Variants in TPCN1 observed in about 807,000 individuals in gnomAD.
TPCN1 encodes the protein two pore channel protein 1.
Under a neutral mutation model 108.8 loss-of-function variants are expected in TPCN1, and 52 were observed. The ratio of observed to expected loss-of-function variants is 0.48; its 90% CI spans 0.38 to 0.60. The LOEUF (loss-of-function observed/expected upper bound fraction) is 0.60, where lower values mean the gene tolerates loss of function less well. Ranked by LOEUF, TPCN1 falls within the 20% of genes least tolerant of loss-of-function variation. The pLI is 0.00. For missense variants in TPCN1, 806 were observed against 1,072.8 expected (o/e 0.75, Z 3.47); for synonymous variants, 446 against 433.7 (o/e 1.03, Z -0.35).
chr12:113,293,445 G>A lies in TPCN1; in HGVS notation c.2334+96G>A, dbSNP rs903380084. The A allele has an allele frequency of 8.0e-5, 94 of 1,178,818 alleles. No individual in the cohort carries two copies. In the Admixed American group the frequency reaches 9.6e-4, roughly 12 times the overall value. The allele number at this position is 1,178,818 out of a possible 1,614,324, so 73.0% of individuals were successfully genotyped here. A position where few individuals can be genotyped will look rare whatever the true frequency, so the allele number is the denominator to read the frequency against. On this transcript the variant is annotated intron_variant, in intron 27 of 27. Transcript: ENST00000335509. ...TCTGGCCCTCTGAGTAGAGGGAGAA[G>A]GCTGGTAGAGAGATGCAGACCGTCC...
intron 2 of TPCN1, among the ~76,000 whole-genome samples, chr12:113,238,264 G>A (rs1953970851): frequency 6.6e-6 from 1 of 152,152 alleles, no homozygotes; most frequent in South Asian, 2.1e-4. Context: ...ACATATTTTA[G>A]CTGTAGAAGC....
At chr12:113,228,802 G>A (rs193220512) in intron 2 of TPCN1, among the ~76,000 whole-genome samples, 77 of 152,310 alleles carry the variant, frequency 5.1e-4, no homozygotes, top group Non-Finnish European at 8.1e-4. Context: ...AGTGGAAGGC[G>A]CTTTGGGGAA....
Position 113,298,249 on chromosome 12 carries a change from T to C in TPCN1, c.*2173T>C, listed in dbSNP as rs1956490170. The C allele has an allele frequency of 6.6e-6, 1 of 152,194 alleles. No homozygotes were observed. The highest frequency in any genetic ancestry group is 2.4e-5 in the African/African-American group (1 of 41,402). 9.4% of individuals were successfully genotyped at this position (152,194 alleles called of 1,614,324 possible). A position where few individuals can be genotyped will look rare whatever the true frequency, so the allele number is the denominator to read the frequency against. ...ATGCCTGGCCCCACCCAGCAGGGAG[T>C]TGGGGTCCCCCCACAGGCTGTGAGC... is the stretch of plus-strand genomic sequence containing the variant. On this transcript the variant is annotated 3_prime_UTR_variant, in exon 28 of 28. Coordinates refer to ENST00000335509, the MANE Select transcript of TPCN1 (RefSeq NM_017901.6).
intron 15 of TPCN1, among the ~76,000 whole-genome samples, chr12:113,280,778 C>T (rs61943636): frequency 0.059 from 8,991 of 152,220 alleles, 360 homozygotes; most frequent in Middle Eastern, 0.071. Context: ...CAGTACTAAC[C>T]TAGAGGCTTG....
rs1955513586 is a variant in TPCN1 at position 113,271,870 on chromosome 12, AC to A, written c.749-787del. 5.9e-5 allele frequency among the ~76,000 whole-genome samples: 9 copies of A among 152,284 alleles called. No individual in the cohort carries two copies. In the South Asian group the frequency reaches 1.9e-3, roughly 32 times the overall value. ...AGTTTTTCAGGTGGGGCTGACTGTGACAGCCACACAAGAGTCACAGGGCATA... is the reference window on the plus strand; with the variant it reads ...AGTTTTTCAGGTGGGGCTGACTGTGAAGCCACACAAGAGTCACAGGGCATA... On this transcript the variant is annotated intron_variant, in intron 7 of 27. Transcript: ENST00000335509.
At position 113,231,461 on chromosome 12, in the gene TPCN1, A is replaced by G. The variant is rs1566135725; in HGVS notation, c.112+4497A>G. On this transcript the variant is annotated intron_variant, in intron 2 of 27. Transcript: ENST00000335509. The surrounding 1 kb of genome is among the most constrained non-coding windows in gnomAD (Gnocchi z 4.3). ...CATCCATATGACCTTGTTTTACCTT[A>G]ATCACCTTTAAAGGCCCTTTCTCCA... Among the ~76,000 whole-genome samples the G allele has an allele frequency of 6.6e-6, 1 of 152,146 alleles. No individual in the cohort carries two copies. The highest frequency in any genetic ancestry group is 1.5e-5 in the Non-Finnish European group (1 of 68,030).
At chr12:113,275,445 T>C (rs2136663973) in intron 10 of TPCN1, among the ~76,000 whole-genome samples, 1 of 152,088 alleles carries the variant, frequency 6.6e-6, no homozygotes, top group South Asian at 2.1e-4. Context: ...GGTTTTGCCA[T>C]GTTGGTCAGG....
chr12:113,290,937 C>G lies in TPCN1; in HGVS notation c.1913-15C>G, dbSNP rs200972579. 3 of 1,613,662 alleles carry G rather than the reference C, an allele frequency of 1.9e-6. No individual in the cohort carries two copies. Among genetic ancestry groups the G allele is most frequent in the Non-Finnish European group, 2.5e-6 (3 of 1,179,912 alleles). Reference sequence around the variant, plus strand: ...GGGTCTCATCAGGATGCTTCTTTCTCTCTTCCCTCGGCAGTGACCCTGTTT... The same window carrying G: ...GGGTCTCATCAGGATGCTTCTTTCTGTCTTCCCTCGGCAGTGACCCTGTTT... On this transcript the variant is annotated splice_polypyrimidine_tract_variant and intron_variant, in intron 22 of 27. Coordinates refer to ENST00000335509, the MANE Select transcript of TPCN1 (RefSeq NM_017901.6).
intron 2 of TPCN1, among the ~76,000 whole-genome samples, chr12:113,256,023 A>G (rs1247533083): frequency 2.6e-5 from 4 of 152,116 alleles, no homozygotes; most frequent in Non-Finnish European, 4.4e-5. Flanking sequence ...AGGTCATAGT[A>G]TGTTACCCAG....
At position 113,245,493 on chromosome 12, in the gene TPCN1, C is replaced by T. The variant is rs374013733; in HGVS notation, c.113-14875C>T. On this transcript the variant is annotated intron_variant, in intron 2 of 27. Coordinates refer to ENST00000335509, the MANE Select transcript of TPCN1 (RefSeq NM_017901.6). The stretch of plus-strand genomic sequence containing the variant: ...GCGGGCGCCTGTAGTCCCAGCTACT[C>T]GGGAGGCTGAGGCAGGAGAATGGCG... 1.5e-3 allele frequency among the ~76,000 whole-genome samples: 193 copies of T among 132,174 alleles called. 6 individuals carry two copies. Among genetic ancestry groups the T allele is most frequent in the South Asian group, 0.013 (49 of 3,852 alleles). 86.7% of individuals were successfully genotyped at this position (132,174 alleles called of 152,430 possible). A position where few individuals can be genotyped will look rare whatever the true frequency, so the allele number is the denominator to read the frequency against.
rs1230368779 is a variant in TPCN1, at chr12:113,292,564, C to T, written c.2114-370C>T. The T allele has an allele frequency of 6.3e-5, 13 of 207,420 alleles. 1 individual carries two copies. In the South Asian group the frequency reaches 8.8e-4, roughly 14 times the overall value. The allele number at this position is 207,420 out of a possible 1,614,324, so 12.8% of individuals were successfully genotyped here. ...TGAGCCATGATCACACCACTGCACT[C>T]CAGCCTGGGCAGCGGAGTGAGACCC... On this transcript the variant is annotated intron_variant, in intron 25 of 27. Transcript: ENST00000335509.
intron 2 of TPCN1, among the ~76,000 whole-genome samples, chr12:113,235,942 G>A (rs1953875619): frequency 6.6e-6 from 1 of 152,144 alleles, no homozygotes; most frequent in Non-Finnish European, 1.5e-5. Context: ...GGGAGGAAAG[G>A]TATACATGTG....
intron 15 of TPCN1, among the ~76,000 whole-genome samples, chr12:113,281,427 C>T (rs1955883567): frequency 6.6e-6 from 1 of 152,228 alleles, no homozygotes; most frequent in Non-Finnish European, 1.5e-5. Context: ...TTCCCAACTA[C>T]ACTGGCACAG....
chr12:113,244,099 G>A (rs1234108955), intron 2 of TPCN1, among the ~76,000 whole-genome samples: 3 of 152,250 alleles, frequency 2.0e-5, no homozygotes, highest in Non-Finnish European at 4.4e-5. Context: ...CCTCATGGAT[G>A]ACAGTGAACC....
At chr12:113,242,667 A>G (rs2136483290) in intron 2 of TPCN1, among the ~76,000 whole-genome samples, 1 of 152,342 alleles carries the variant, frequency 6.6e-6, no homozygotes, top group Admixed American at 6.5e-5. Flanking sequence ...TCAGAATTAC[A>G]GAACCCTCTG....
At chr12:113,238,465 A>G (rs1290772185) in intron 2 of TPCN1, among the ~76,000 whole-genome samples, 1 of 151,502 alleles carries the variant, frequency 6.6e-6, no homozygotes, top group African/African-American at 2.4e-5. Flanking sequence ...GTAGCTGTAT[A>G]TTAGAGTGTC....
In TPCN1 at chr12:113,232,098, C is replaced by A. The variant is rs566672170; in HGVS notation, c.112+5134C>A. On this transcript the variant is annotated intron_variant, in intron 2 of 27. Transcript: ENST00000335509. The surrounding 1 kb of genome is among the most constrained non-coding windows in gnomAD (Gnocchi z 5.6). ...CTGAGTGAAGGAAGGATTGGGCTCG[C>A]GGGGGCTGGCTGAGGTCTGAGCAGG... 1.3e-5 allele frequency among the ~76,000 whole-genome samples: 2 copies of A among 152,192 alleles called. No homozygotes were observed. The highest frequency in any genetic ancestry group is 4.8e-5 in the African/African-American group (2 of 41,434).
chr12:113,291,883 A>T lies in TPCN1; in HGVS notation c.2038A>T (p.Thr680Ser). The T allele has an allele frequency of 6.3e-7, 1 of 1,580,934 alleles. No individual in the cohort carries two copies. Among genetic ancestry groups the T allele is most frequent in the Non-Finnish European group, 8.6e-7 (1 of 1,160,716 alleles). The change falls in exon 25 of 28, where the codon ACG becomes TCG. Residue 680 changes from threonine (T) to serine (S), a missense_variant. By Grantham distance (58) the Thr-to-Ser change is moderately conservative. Transcript: ENST00000335509. ...CCCTATCCCTGGCCAGGTGGTGATGACGATCATTGTCGCCTTTATCCTCGA... is the reference window on the plus strand; with the variant it reads ...CCCTATCCCTGGCCAGGTGGTGATGTCGATCATTGTCGCCTTTATCCTCGA... ...TFYIVTMVVM[T>S]IIVAFILEAF... is the part of the protein sequence containing the mutation.
Position 113,290,244 on chromosome 12 carries a change from G to C in TPCN1, c.1912+1G>C, listed in dbSNP as rs1381441040. 1.3e-6 allele frequency: 2 copies of C among 1,581,938 alleles called. No individual in the cohort carries two copies. Among genetic ancestry groups the C allele is most frequent in the Admixed American group, 3.5e-5 (2 of 56,906 alleles). On this transcript the variant is annotated splice_donor_variant, in intron 22 of 27. Transcript: ENST00000335509. LOFTEE classifies it high-confidence loss of function. ...TTTGACAACATCCTCAACAGCTTTG[G>C]TGAGTGGGAAAAATCACAGGGGGCA...
Sources: allele counts gnomAD v4.1 joint callset (sites outside exome capture counted in the v4.1 genomes callset), GRCh38; gene constraint gnomAD v4.1.1; non-coding constraint Gnocchi (gnomAD v3.1); transcripts MANE v1.5; gene names NCBI Gene and HGNC (gene_info 2026-07-23, HGNC 2026-07-21).